Variants in HDAC1 observed in about 807,000 individuals in gnomAD.
HDAC1 encodes histone deacetylase 1, also known as protein deacetylase HDAC1.
HDAC1 carries 18 observed loss-of-function variants against 65.5 expected under a neutral mutation model. The observed-to-expected ratio is 0.27, with a 90% confidence interval of 0.19 to 0.41. The LOEUF (loss-of-function observed/expected upper bound fraction) is 0.41, where lower values mean the gene tolerates loss of function less well. Ranked by LOEUF, HDAC1 falls within the 10% of genes least tolerant of loss-of-function variation. HDAC1 has a pLI of 1.00. For synonymous variants in HDAC1, 211 were observed against 227.9 expected (o/e 0.93, Z 0.67); for missense variants, 373 against 625.2 (o/e 0.60, Z 4.30).
intron 2 of HDAC1, 25 bp downstream of exon 2, chr1:32,302,758 T>A (rs1359759490): frequency 9.8e-6 from 10 of 1,016,256 alleles, no homozygotes; most frequent in Non-Finnish European, 1.4e-5. Flanking sequence ...GTGCTACCGC[T>A]CCCTAACCTC....
intron 1 of HDAC1, among the ~76,000 whole-genome samples, chr1:32,293,687 A>G (rs1381216322): frequency 6.6e-6 from 1 of 151,988 alleles, no homozygotes; most frequent in African/African-American, 2.4e-5. Context: ...GCGGATCATG[A>G]GGTCAGGAGT....
At position 32,318,901 on chromosome 1, in the gene HDAC1, C is replaced by T. The variant is rs535274929; in HGVS notation, c.280+2119C>T. ...TGGGAGGCTGAGGCAAGCAGATCAC[C>T]TGGGGTCGGGAGTTTGAGACCAGCC... On this transcript the variant is annotated intron_variant, in intron 3 of 13. Coordinates refer to ENST00000373548, the MANE Select transcript of HDAC1 (RefSeq NM_004964.3). 7.2e-5 allele frequency among the ~76,000 whole-genome samples: 11 copies of T among 152,058 alleles called. No individual in the cohort carries two copies. The East Asian group carries it at 1.2e-3, about 16-fold the overall frequency.
rs1325373260 is a variant in HDAC1, at chr1:32,330,199, G to A, written c.730-379G>A. On this transcript the variant is annotated intron_variant, in intron 7 of 13. Coordinates refer to ENST00000373548, the MANE Select transcript of HDAC1 (RefSeq NM_004964.3). This position sits in a 1 kb window ranked among gnomAD's most constrained non-coding sequence, Gnocchi z 4.2. ...TGTGAGAATAAGATAAACTAAAAGT[G>A]CTTGCTCATAATGTAAGGCTTCAAG... 9.0e-6 allele frequency: 2 copies of A among 221,486 alleles called. No homozygotes were observed. Among genetic ancestry groups the A allele is most frequent in the African/African-American group, 4.6e-5 (2 of 43,654 alleles). The allele number at this position is 221,486 out of a possible 1,614,324, so 13.7% of individuals were successfully genotyped here.
At position 32,332,709 on chromosome 1, in the gene HDAC1, G is replaced by C. The variant is rs756997212; in HGVS notation, c.1381G>C (p.Glu461Gln). The change falls in exon 13 of 14, where the codon GAA (glutamate) becomes CAA (glutamine). Residue 461 changes from glutamate to glutamine, a missense_variant. This residue lies in a region of HDAC1 where 126 missense variants were observed against 126.2 expected (regional missense o/e 1.00). Coordinates refer to ENST00000373548, the MANE Select transcript of HDAC1 (RefSeq NM_004964.3). ...GTACTCTTGTGTTCTAGAAGTCACC[G>C]AAGAGGAGAAAACCAAGGAGGAGAA... ...KDPEEKKEVTEEEKTKEEKPE... is the reference protein window; with the variant it reads ...KDPEEKKEVTQEEKTKEEKPE... 2.6e-5 allele frequency: 41 copies of C among 1,554,954 alleles called. No homozygotes were observed. The Admixed American group carries it at 7.2e-4, about 27-fold the overall frequency.
In HDAC1 at chr1:32,329,024, C is replaced by T. The variant is rs753212184; in HGVS notation, c.637-44C>T. ...CCAGCCCCTATCCTTGACCTTCCTT[C>T]AAGCTTCATCCTTCAGTTTTACTTT... On this transcript the variant is annotated intron_variant, in intron 6 of 13. Transcript: ENST00000373548. This position sits in a 1 kb window ranked among gnomAD's most constrained non-coding sequence, Gnocchi z 4.1. 8.3e-7 allele frequency: 1 copy of T among 1,208,490 alleles called. No individual in the cohort carries two copies. 74.9% of individuals were successfully genotyped at this position (1,208,490 alleles called of 1,614,324 possible).
At chr1:32,304,772 A>G (rs556814482) in intron 2 of HDAC1, among the ~76,000 whole-genome samples, 1 of 152,240 alleles carries the variant, frequency 6.6e-6, no homozygotes, top group East Asian at 1.9e-4. Context: ...CATTTTGCCC[A>G]GGCTGGTCTT....
intron 3 of HDAC1, among the ~76,000 whole-genome samples, chr1:32,317,626 T>C (rs1273885556): frequency 6.6e-6 from 1 of 152,202 alleles, no homozygotes; most frequent in East Asian, 1.9e-4. Context: ...TAATAATAAC[T>C]GTACAGTGGT....
intron 12 of HDAC1, 112 bp from the exon 13 acceptor site, chr1:32,332,589 C>G: frequency 6.2e-6 from 5 of 800,154 alleles, no homozygotes; most frequent in Admixed American, 2.4e-5. Flanking sequence ...GCTTTTCTCT[C>G]TTTATGTCCA....
At chr1:32,297,701 C>T (rs980352550) in intron 1 of HDAC1, among the ~76,000 whole-genome samples, 1 of 151,848 alleles carries the variant, frequency 6.6e-6, no homozygotes, top group Non-Finnish European at 1.5e-5. Flanking sequence ...AGCTCTGCCT[C>T]CAGGGTTCAT....
intron 2 of HDAC1, among the ~76,000 whole-genome samples, chr1:32,313,588 T>C (rs1641019784): frequency 6.6e-6 from 1 of 152,196 alleles, no homozygotes; most frequent in African/African-American, 2.4e-5. Context: ...TGGCTGTGTA[T>C]TGAAAATGCT....
chr1:32,294,294 G>A (rs182579631), intron 1 of HDAC1, among the ~76,000 whole-genome samples: 58 of 151,530 alleles, frequency 3.8e-4, no homozygotes, highest in Admixed American at 9.2e-4. Flanking sequence ...GATTACAGGC[G>A]TGCGCCACCA....
At chr1:32,293,320 T>TAAA (rs551512691) in intron 1 of HDAC1, among the ~76,000 whole-genome samples, 16 of 121,622 alleles carry the variant, frequency 1.3e-4, no homozygotes, top group Admixed American at 2.6e-4. Context: ...GGCTCTGTCT[T>TAAA]AAAAAAAAAA....
chr1:32,326,221 C>T (rs1570036131), intron 4 of HDAC1, among the ~76,000 whole-genome samples: 2 of 151,268 alleles, frequency 1.3e-5, no homozygotes. Context: ...AGTGCAGTGG[C>T]GTGATCTTGG....
At chr1:32,324,373 G>A (rs1245553945) in intron 3 of HDAC1, 106 bp from the exon 4 acceptor site, 1 of 775,944 alleles carries the variant, frequency 1.3e-6, no homozygotes, top group African/African-American at 1.7e-5. Flanking sequence ...GCCTGGACTA[G>A]AACCCACACC....
chr1:32,329,392 G>T lies in HDAC1; in HGVS notation c.729+232G>T. On this transcript the variant is annotated intron_variant, in intron 7 of 13. Coordinates refer to ENST00000373548, the MANE Select transcript of HDAC1 (RefSeq NM_004964.3). The surrounding 1 kb of genome is among the most constrained non-coding windows in gnomAD (Gnocchi z 4.1). ...CTGGATACAAAAATATCTAAGACAT[G>T]ATCTTTGCCCTCACGGACTATGGTG... is the stretch of plus-strand genomic sequence containing the variant. 1.7e-6 allele frequency: 1 copy of T among 592,246 alleles called. No homozygotes were observed. Among genetic ancestry groups the T allele is most frequent in the Non-Finnish European group, 3.0e-6 (1 of 331,494 alleles). The allele number at this position is 592,246 out of a possible 1,614,324, so 36.7% of individuals were successfully genotyped here.
Position 32,331,914 on chromosome 1 carries a change from T to C in HDAC1, c.1219+108T>C, listed in dbSNP as rs199881317. On this transcript the variant is annotated intron_variant, in intron 11 of 13. Coordinates refer to ENST00000373548, the MANE Select transcript of HDAC1 (RefSeq NM_004964.3). The surrounding 1 kb of genome is among the most constrained non-coding windows in gnomAD (Gnocchi z 4.2). ...TCCAAGCTCCCCACCTGTAGAGAAA[T>C]CTGTTTTCGAGTTCCAGTGCCTGTA... 38 of 1,465,226 alleles carry C rather than the reference T, an allele frequency of 2.6e-5. No individual in the cohort carries two copies. The East Asian group carries it at 8.2e-4, about 32-fold the overall frequency. The allele number at this position is 1,465,226 out of a possible 1,614,324, so 90.8% of individuals were successfully genotyped here. A position where few individuals can be genotyped will look rare whatever the true frequency, so the allele number is the denominator to read the frequency against.
chr1:32,331,613 G>T lies in HDAC1; in HGVS notation c.1088+31G>T, dbSNP rs1355311343. The T allele has an allele frequency of 1.2e-6, 2 of 1,612,746 alleles. No individual in the cohort carries two copies. Among genetic ancestry groups the T allele is most frequent in the African/African-American group, 2.7e-5 (2 of 74,880 alleles). ...TATATCCTCCAGCCACCCCTTGGTT[G>T]AACATTCCTGACTTTGGTTTGTCCC... On this transcript the variant is annotated intron_variant, in intron 10 of 13. Transcript: ENST00000373548. The surrounding 1 kb of genome is among the most constrained non-coding windows in gnomAD (Gnocchi z 4.2).
At chr1:32,292,838 A>G (rs1640716142) in intron 1 of HDAC1, among the ~76,000 whole-genome samples, 1 of 151,908 alleles carries the variant, frequency 6.6e-6, no homozygotes, top group East Asian at 1.9e-4. Flanking sequence ...CAGTGACCGA[A>G]GTTCTCTCCG....
intron 2 of HDAC1, among the ~76,000 whole-genome samples, chr1:32,304,118 G>C (rs932590167): frequency 6.6e-6 from 1 of 152,186 alleles, no homozygotes; most frequent in Non-Finnish European, 1.5e-5. Context: ...GGGGCTGGAG[G>C]TGATGTTGCC....
Sources: gnomAD v4.1 joint callset for allele counts (sites outside exome capture counted in the v4.1 genomes callset) on GRCh38, gnomAD v4.1.1 for gene constraint, gnomAD v4.1.1 regional missense constraint, Gnocchi (gnomAD v3.1) non-coding constraint, MANE v1.5 for transcripts, NCBI Gene and HGNC (gene_info 2026-07-23, HGNC 2026-07-21) for gene names.